Variants in POLA1 observed in about 807,000 individuals in gnomAD.
POLA1 encodes the protein DNA polymerase alpha 1, catalytic subunit, also known as DNA polymerase alpha catalytic subunit.
A neutral mutation model predicts 124.0 loss-of-function variants in POLA1; 15 were observed. The observed-to-expected ratio is 0.12, with a 90% CI of 0.08 to 0.19. The LOEUF (loss-of-function observed/expected upper bound fraction) is 0.19, where lower values mean the gene tolerates loss of function less well. POLA1 is among the 10% of genes least tolerant of loss of function. POLA1 has a pLI of 1.00. For missense variants in POLA1, 886 were observed against 1,103.4 expected (o/e 0.80, Z 2.79); for synonymous variants, 408 against 389.4 (o/e 1.05, Z -0.56).
rs1304495400 is a variant in POLA1, at chrX:24,890,786, G to A, written c.4164+2664G>A. On this transcript the variant is annotated intron_variant, in intron 35 of 36. Coordinates refer to ENST00000379068, the MANE Select transcript of POLA1 (RefSeq NM_001330360.2). Reference sequence around the variant, plus strand: ...AGCAACTTTTTTTAAAATGTGGAATGTTAGAATTAGCTGTCATTGAATTAT... The same window carrying A: ...AGCAACTTTTTTTAAAATGTGGAATATTAGAATTAGCTGTCATTGAATTAT... Among the ~76,000 whole-genome samples, 4 of 112,338 alleles carry A rather than the reference G, an allele frequency of 3.6e-5. No homozygotes were observed. In the Admixed American group the frequency reaches 3.8e-4, roughly 11 times the overall value.
At chrX:24,794,688 C>T (rs2045573948) in intron 26 of POLA1, among the ~76,000 whole-genome samples, 2 of 111,672 alleles carry the variant, frequency 1.8e-5, no homozygotes, top group East Asian at 2.8e-4. Flanking sequence ...AAGCAATGGC[C>T]ATATTTAGAA....
At chrX:24,984,202 A>G (rs759257066) in intron 36 of POLA1, among the ~76,000 whole-genome samples, 2 of 112,680 alleles carry the variant, frequency 1.8e-5, no homozygotes, top group South Asian at 7.4e-4. Context: ...TAAAAAGTAT[A>G]CATTGAGGAT....
chrX:24,920,959 G>A (rs930481078), intron 35 of POLA1, among the ~76,000 whole-genome samples: 3 of 111,958 alleles, frequency 2.7e-5, no homozygotes, highest in Non-Finnish European at 3.8e-5. Context: ...AAAATATGCC[G>A]CCTTCTCGAT....
intron 36 of POLA1, among the ~76,000 whole-genome samples, chrX:24,989,012 T>A (rs2048506915): frequency 8.9e-6 from 1 of 111,806 alleles, no homozygotes. Flanking sequence ...AATAAAGATG[T>A]TGTGTATGCT....
chrX:24,896,112 G>A (rs952069270), intron 35 of POLA1, among the ~76,000 whole-genome samples: 26 of 111,836 alleles, frequency 2.3e-4, no homozygotes, highest in African/African-American at 8.4e-4. Flanking sequence ...TTAGATGAGA[G>A]CCTTGATCCT....
At chrX:24,928,320 GGTT>G (rs2047724981) in intron 35 of POLA1, among the ~76,000 whole-genome samples, 2 of 111,805 alleles carry the variant, frequency 1.8e-5, no homozygotes. Context: ...GGCTGGCAAA[GGTT>G]GTTGTATATC....
intron 34 of POLA1, among the ~76,000 whole-genome samples, chrX:24,882,684 G>GGT (rs57530564): frequency 0.072 from 6,300 of 87,436 alleles, 278 homozygotes; most frequent in African/African-American, 0.13. Flanking sequence ...TATATTCCAT[G>GGT]GTGTGTGTGT....
intron 35 of POLA1, among the ~76,000 whole-genome samples, chrX:24,927,419 C>T (rs1016279221): frequency 1.8e-5 from 2 of 111,796 alleles, no homozygotes; most frequent in African/African-American, 3.3e-5. Context: ...TTTGCCAAGT[C>T]GTCCCCTGTG....
intron 36 of POLA1, among the ~76,000 whole-genome samples, chrX:24,982,653 T>C (rs1324153650): frequency 9.0e-6 from 1 of 111,284 alleles, no homozygotes; most frequent in African/African-American, 3.3e-5. Flanking sequence ...TGTTTTCTTC[T>C]TTTTATCTTC....
intron 26 of POLA1, among the ~76,000 whole-genome samples, chrX:24,782,265 G>A (rs765730831): frequency 1.2e-4 from 13 of 111,806 alleles, no homozygotes; most frequent in Non-Finnish European, 2.3e-4. Context: ...CAAAACAAAG[G>A]GACTTGGATA....
intron 34 of POLA1, among the ~76,000 whole-genome samples, chrX:24,858,385 G>A (rs1283599992): frequency 9.0e-6 from 1 of 111,627 alleles, no homozygotes; most frequent in Non-Finnish European, 1.9e-5. Flanking sequence ...GAGGAATTAT[G>A]GTCTTTCCAA....
At chrX:24,741,150 CGCGTGTGTGTGTGTGT>C (rs1569291044) in intron 20 of POLA1, among the ~76,000 whole-genome samples, 1 of 99,593 alleles carries the variant, frequency 1.0e-5, no homozygotes, top group Non-Finnish European at 2.0e-5. Context: ...TGTGTGTGCG[CGCGTGTGTGTGTGTGT>C]GTGTTTTGGA....
chrX:24,699,375 A>G (rs780023010), intron 1 of POLA1, 50 bp from the exon 2 acceptor site: 22 of 1,065,974 alleles, frequency 2.1e-5, no homozygotes, highest in Middle Eastern at 2.9e-4. Flanking sequence ...TTGAGGGAAG[A>G]TGGCTGACAA....
At chrX:24,909,699 G>A (rs1428108227) in intron 35 of POLA1, among the ~76,000 whole-genome samples, 1 of 111,601 alleles carries the variant, frequency 9.0e-6, no homozygotes, top group Non-Finnish European at 1.9e-5. Context: ...TTTTGGCTTA[G>A]GATTGACTTG....
chrX:24,987,873 T>C (rs1410471906), intron 36 of POLA1, among the ~76,000 whole-genome samples: 1 of 111,769 alleles, frequency 8.9e-6, no homozygotes, highest in Non-Finnish European at 1.9e-5. Flanking sequence ...GATGGTGACC[T>C]GGAATGGTAA....
rs1930973542 is a variant in POLA1 at position 24,732,473 on chromosome X, G to T, written c.1771+19G>T. 2.1e-6 allele frequency: 2 copies of T among 957,030 alleles called. No individual in the cohort carries two copies. The highest frequency in any genetic ancestry group is 3.0e-6 in the Non-Finnish European group (2 of 666,037). 78.9% of individuals were successfully genotyped at this position (957,030 alleles called of 1,213,427 possible). ...TTCTGTGGTATGTATTTTTTTTTAA[G>T]CTGGCTTACTAACAGCTTGATTTGA... On this transcript the variant is annotated intron_variant, in intron 16 of 36. Coordinates refer to ENST00000379068, the MANE Select transcript of POLA1 (RefSeq NM_001330360.2).
At chrX:24,906,014 T>C (rs2047361382) in intron 35 of POLA1, among the ~76,000 whole-genome samples, 1 of 112,283 alleles carries the variant, frequency 8.9e-6, no homozygotes. Context: ...TAAATAGATG[T>C]TGGCATGGAT....
intron 35 of POLA1, among the ~76,000 whole-genome samples, chrX:24,907,422 C>T (rs909432067): frequency 2.7e-5 from 3 of 110,489 alleles, no homozygotes; most frequent in African/African-American, 9.9e-5. Flanking sequence ...GCTCAGAACC[C>T]CAAACAGGAT....
intron 26 of POLA1, among the ~76,000 whole-genome samples, chrX:24,763,919 C>T (rs888134143): frequency 1.1e-4 from 12 of 111,508 alleles, no homozygotes; most frequent in African/African-American, 3.6e-4. Flanking sequence ...ACTTGTAAAA[C>T]AGCTCACCTA....
Sources: allele counts gnomAD v4.1 joint callset (sites outside exome capture counted in the v4.1 genomes callset), GRCh38; gene constraint gnomAD v4.1.1; transcripts MANE v1.5; gene names NCBI Gene and HGNC (gene_info 2026-07-23, HGNC 2026-07-21).